The following CELF2 variants were observed in gnomAD, a reference collection of about 807,000 sequenced individuals.
CELF2 encodes CUGBP Elav-like family member 2.
A neutral mutation model predicts 62.6 loss-of-function variants in CELF2; 8 were observed. The ratio of observed to expected loss-of-function variants is 0.13; its 90% confidence interval spans 0.07 to 0.23. The LOEUF (loss-of-function observed/expected upper bound fraction) is 0.23. Ranked by LOEUF, CELF2 falls within the 10% of genes least tolerant of loss-of-function variation. The pLI, the probability that CELF2 is intolerant of heterozygous loss-of-function variation, is 1.00. For synonymous variants in CELF2, 258 were observed against 250.0 expected, an observed-to-expected ratio of 1.03 and a Z score of -0.30; for missense variants, 333 against 671.0, an observed-to-expected ratio of 0.50 and a Z score of 5.56.
chr10:11,299,094 C>T (rs535398252), intron 9 of CELF2, among the ~76,000 whole-genome samples: 1 of 152,370 alleles, frequency 6.6e-6, no homozygotes, highest in East Asian at 1.9e-4. Flanking sequence ...ACAAATGCCA[C>T]TTGAGCTCCT....
intron 1 of CELF2, among the ~76,000 whole-genome samples, chr10:11,091,393 A>G (rs571569275): frequency 6.6e-6 from 1 of 152,352 alleles, no homozygotes; most frequent in South Asian, 2.1e-4. Flanking sequence ...GAAGTTAATC[A>G]GCCTGTTCTG....
chr10:11,026,048 TTC>T (rs1306737093), intron 1 of CELF2, among the ~76,000 whole-genome samples: 1 of 144,822 alleles, frequency 6.9e-6, no homozygotes, highest in African/African-American at 2.5e-5. Context: ...CTGAGGTCTT[TTC>T]AGAGTTAGAG....
chr10:10,858,626 T>A (rs1226128250), intron 1 of CELF2, among the ~76,000 whole-genome samples: 1 of 152,162 alleles, frequency 6.6e-6, no homozygotes, highest in Non-Finnish European at 1.5e-5. Flanking sequence ...CCATTAGAAT[T>A]AAAAATTCAT....
upstream of CELF2, among the ~76,000 whole-genome samples, chr10:10,798,002 G>A (rs969746011): frequency 4.0e-5 from 6 of 151,660 alleles, no homozygotes; most frequent in African/African-American, 1.5e-4. Context: ...GCGAGTAGGG[G>A]GTAGCCTATA....
intron 2 of CELF2, among the ~76,000 whole-genome samples, chr10:10,948,093 A>C (rs923531117): frequency 1.3e-5 from 2 of 152,196 alleles, no homozygotes; most frequent in African/African-American, 4.8e-5. Context: ...TGGGCTCATC[A>C]GATCATACAG....
intron 1 of CELF2, among the ~76,000 whole-genome samples, chr10:10,832,273 A>AAATAAAAT (rs1554847840): frequency 6.6e-6 from 1 of 150,940 alleles, no homozygotes; most frequent in Admixed American, 6.6e-5. Context: ...ATCTAAAAAA[A>AAATAAAAT]AAAAATAAAA....
chr10:10,653,959 A>G, the CELF2 span, among the ~76,000 whole-genome samples: 1 of 151,956 alleles, frequency 6.6e-6, no homozygotes, highest in Admixed American at 6.5e-5. Flanking sequence ...AACAAAATTG[A>G]TAGACCGCTA....
At chr10:11,045,677 A>G (rs945301678) in intron 1 of CELF2, among the ~76,000 whole-genome samples, 21 of 152,236 alleles carry the variant, frequency 1.4e-4, no homozygotes, top group Non-Finnish European at 2.1e-4. Context: ...TAAAAGGGCT[A>G]TAAGTAGAGC....
At chr10:11,060,743 ATC>A (rs1016121630) in intron 1 of CELF2, among the ~76,000 whole-genome samples, 1 of 152,156 alleles carries the variant, frequency 6.6e-6, no homozygotes, top group Non-Finnish European at 1.5e-5. Context: ...CTCAGTTTGC[ATC>A]TCTGTTTCAC....
At chr10:10,783,457 G>C in the CELF2 span, among the ~76,000 whole-genome samples, 2 of 152,116 alleles carry the variant, frequency 1.3e-5, no homozygotes, top group Non-Finnish European at 1.5e-5. Context: ...CTCTCTCACA[G>C]CCTCAGAAGG....
At chr10:10,487,423 G>A in the CELF2 span, among the ~76,000 whole-genome samples, 4 of 152,112 alleles carry the variant, frequency 2.6e-5, no homozygotes, top group African/African-American at 9.7e-5. Flanking sequence ...TGCATGGATT[G>A]GACTGGTTCT....
At chr10:10,878,734 T>C (rs904009299) in intron 1 of CELF2, among the ~76,000 whole-genome samples, 1 of 152,070 alleles carries the variant, frequency 6.6e-6, no homozygotes, top group African/African-American at 2.4e-5. Flanking sequence ...CCAATTCAAA[T>C]TGAGATCACA....
At chr10:11,054,556 A>AGT (rs1407843868) in intron 1 of CELF2, among the ~76,000 whole-genome samples, 5 of 151,480 alleles carry the variant, frequency 3.3e-5, no homozygotes, top group Non-Finnish European at 5.9e-5. Flanking sequence ...ATGTCAATTT[A>AGT]TGAAGAATTG....
chr10:10,574,009 T>A, the CELF2 span, among the ~76,000 whole-genome samples: 4 of 152,194 alleles, frequency 2.6e-5, no homozygotes, highest in Non-Finnish European at 5.9e-5. Flanking sequence ...TCAAGAAGGA[T>A]CAATTTGATC....
At chr10:11,113,047 C>T (rs1394149395) in intron 1 of CELF2, among the ~76,000 whole-genome samples, 3 of 152,242 alleles carry the variant, frequency 2.0e-5, no homozygotes, top group Non-Finnish European at 4.4e-5. Context: ...ATATCCGAAG[C>T]TTGTGTCCTG....
At position 11,316,891 on chromosome 10, in the gene CELF2, C is replaced by A. The variant is rs2095041324; in HGVS notation, c.1096+2633C>A. On this transcript the variant is annotated intron_variant, in intron 10 of 12. Transcript: ENST00000633077. This position sits in a 1 kb window ranked among gnomAD's most constrained non-coding sequence, Gnocchi z 4.4. ...ATTAATGAGTCAAAGGGCTAAAAAA[C>A]AGTACAGCGCCCTAAAAATGTAAGA... The A allele has an allele frequency of 6.6e-6, 1 of 152,284 alleles. No homozygotes were observed. Among genetic ancestry groups the A allele is most frequent in the Admixed American group, 6.5e-5 (1 of 15,304 alleles). 9.4% of individuals were successfully genotyped at this position (152,284 alleles called of 1,614,324 possible).
At chr10:10,825,454 T>C (rs2057315477) in intron 1 of CELF2, among the ~76,000 whole-genome samples, 1 of 151,990 alleles carries the variant, frequency 6.6e-6, no homozygotes, top group Non-Finnish European at 1.5e-5. Context: ...TTGTGATCTG[T>C]CCACCTCGGC....
intron 2 of CELF2, among the ~76,000 whole-genome samples, chr10:10,935,754 T>C (rs1171094933): frequency 6.6e-6 from 1 of 152,182 alleles, no homozygotes; most frequent in East Asian, 1.9e-4. Flanking sequence ...AATCCAGTGG[T>C]TCTGCAAATA....
At chr10:11,154,180 T>G (rs963801323) in intron 1 of CELF2, among the ~76,000 whole-genome samples, 1 of 152,214 alleles carries the variant, frequency 6.6e-6, no homozygotes, top group African/African-American at 2.4e-5. Flanking sequence ...AATTCTACTT[T>G]TATTTGTTTA....
Sources: allele counts gnomAD v4.1 joint callset (sites outside exome capture counted in the v4.1 genomes callset), GRCh38; gene constraint gnomAD v4.1.1; non-coding constraint Gnocchi (gnomAD v3.1); transcripts MANE v1.5; gene names NCBI Gene and HGNC (gene_info 2026-07-23, HGNC 2026-07-21).